DIP2C: variants seen among roughly 807,000 people sequenced by gnomAD.
DIP2C encodes disco-interacting protein 2 homolog C.
In DIP2C, 33 loss-of-function variants were observed where a neutral mutation model predicts 192.4. The ratio of observed to expected loss-of-function variants is 0.17; its 90% CI spans 0.13 to 0.23. DIP2C has a LOEUF of 0.23. DIP2C is among the 10% of genes least tolerant of loss of function. The probability of loss-of-function intolerance (pLI) is 1.00; values close to 1 mark genes in which losing one functional copy is unlikely to be tolerated. For synonymous variants in DIP2C, 979 were observed against 864.1 expected, an observed-to-expected ratio of 1.13 and a Z score of -2.33; for missense variants, 1,537 against 2,110.1, an observed-to-expected ratio of 0.73 and a Z score of 5.32.
intron 1 of DIP2C, among the ~76,000 whole-genome samples, chr10:660,257 T>A (rs1856671180): frequency 6.6e-6 from 1 of 151,914 alleles, no homozygotes; most frequent in African/African-American, 2.4e-5. Context: ...ACGGAGATTC[T>A]AGCCCTTGTC....
At chr10:564,016 T>C (rs1215885526) in intron 1 of DIP2C, among the ~76,000 whole-genome samples, 1 of 152,170 alleles carries the variant, frequency 6.6e-6, no homozygotes, top group Non-Finnish European at 1.5e-5. Flanking sequence ...TGAGAGAAGA[T>C]TTCAAAGCTG....
At chr10:503,327 C>T (rs922488003) in intron 1 of DIP2C, among the ~76,000 whole-genome samples, 1 of 152,196 alleles carries the variant, frequency 6.6e-6, no homozygotes, top group African/African-American at 2.4e-5. Flanking sequence ...GGACAATAAA[C>T]GTTCCAATTT....
At chr10:543,481 G>A (rs1273757542) in intron 1 of DIP2C, among the ~76,000 whole-genome samples, 1 of 152,234 alleles carries the variant, frequency 6.6e-6, no homozygotes, top group African/African-American at 2.4e-5. Flanking sequence ...CTGGGTAAGA[G>A]GAAAGTGCTT....
At chr10:589,436 T>G (rs1398481468) in intron 1 of DIP2C, among the ~76,000 whole-genome samples, 2 of 152,216 alleles carry the variant, frequency 1.3e-5, no homozygotes, top group African/African-American at 4.8e-5. Context: ...CGATTTCCAT[T>G]TCTTCTACAG....
intron 1 of DIP2C, among the ~76,000 whole-genome samples, chr10:633,590 T>C (rs1854658587): frequency 6.6e-6 from 1 of 152,232 alleles, no homozygotes; most frequent in Non-Finnish European, 1.5e-5. Flanking sequence ...CCAAGGCCAC[T>C]GCAGCACCTC....
intron 1 of DIP2C, among the ~76,000 whole-genome samples, chr10:489,540 C>CA (rs1462710877): frequency 6.6e-6 from 1 of 152,252 alleles, no homozygotes; most frequent in African/African-American, 2.4e-5. Flanking sequence ...GCCACGCTGT[C>CA]ACTAGGGAGA....
At chr10:444,122 C>A (rs931490101) in intron 3 of DIP2C, among the ~76,000 whole-genome samples, 1 of 152,182 alleles carries the variant, frequency 6.6e-6, no homozygotes, top group African/African-American at 2.4e-5. Flanking sequence ...CCCATCGTCA[C>A]ATGGACTCCA....
rs143669092 is a variant in DIP2C at position 524,297 on chromosome 10, C to T, written c.86-37767G>A. ...TACAGACTGTGTGAGGCCTGGAACGCGGGAGGCACACTTCACAGGGTCCCT... is the reference window on the plus strand; with the variant it reads ...TACAGACTGTGTGAGGCCTGGAACGTGGGAGGCACACTTCACAGGGTCCCT... On this transcript the variant is annotated intron_variant, in intron 1 of 36. Coordinates refer to ENST00000280886, the MANE Select transcript of DIP2C (RefSeq NM_014974.3). Among the ~76,000 whole-genome samples, 7 of 152,234 alleles carry T rather than the reference C, an allele frequency of 4.6e-5. No homozygotes were observed. The East Asian group carries it at 5.8e-4, about 13-fold the overall frequency.
chr10:614,759 C>CT (rs913241112), intron 1 of DIP2C, among the ~76,000 whole-genome samples: 1 of 152,260 alleles, frequency 6.6e-6, no homozygotes, highest in Non-Finnish European at 1.5e-5. Context: ...TGGCTACGGG[C>CT]TCCCTTGCCG....
intron 1 of DIP2C, among the ~76,000 whole-genome samples, chr10:595,691 G>C (rs1471954062): frequency 6.6e-6 from 1 of 152,180 alleles, no homozygotes; most frequent in Non-Finnish European, 1.5e-5. Flanking sequence ...CCACGCGTCC[G>C]CAGGACCCGC....
chr10:279,101 C>A (rs1274405601), intron 36 of DIP2C, among the ~76,000 whole-genome samples: 1 of 152,094 alleles, frequency 6.6e-6, no homozygotes, highest in African/African-American at 2.4e-5. Flanking sequence ...GAGAATTTTC[C>A]TGGAAATTCT....
At chr10:523,813 A>G (rs1159083709) in intron 1 of DIP2C, among the ~76,000 whole-genome samples, 1 of 152,210 alleles carries the variant, frequency 6.6e-6, no homozygotes, top group Non-Finnish European at 1.5e-5. Flanking sequence ...GGATGCAGGG[A>G]CTGCTCTGAG....
At chr10:613,872 C>A (rs61833001) in intron 1 of DIP2C, among the ~76,000 whole-genome samples, 1 of 152,074 alleles carries the variant, frequency 6.6e-6, no homozygotes, top group African/African-American at 2.4e-5. Flanking sequence ...CTCCTGATCT[C>A]GGCCATCTGA....
At chr10:595,561 T>C (rs1224819995) in intron 1 of DIP2C, among the ~76,000 whole-genome samples, 1 of 152,030 alleles carries the variant, frequency 6.6e-6, no homozygotes, top group African/African-American at 2.4e-5. Flanking sequence ...AATGAAATGA[T>C]TTTGCATCTA....
intron 1 of DIP2C, among the ~76,000 whole-genome samples, chr10:563,799 A>G (rs1849331863): frequency 1.3e-5 from 2 of 152,164 alleles, no homozygotes; most frequent in African/African-American, 4.8e-5. Flanking sequence ...CTACTGGGCT[A>G]TACCAATAGT....
intron 14 of DIP2C, among the ~76,000 whole-genome samples, chr10:386,311 G>T (rs920232374): frequency 1.3e-5 from 2 of 152,234 alleles, no homozygotes; most frequent in African/African-American, 4.8e-5. Flanking sequence ...TTCACAGACA[G>T]AAAAACTGAG....
At chr10:656,902 G>A (rs1251157295) in intron 1 of DIP2C, among the ~76,000 whole-genome samples, 1 of 152,212 alleles carries the variant, frequency 6.6e-6, no homozygotes, top group African/African-American at 2.4e-5. Context: ...ATGGAACTTT[G>A]CTTTAATAAA....
At chr10:301,168 G>A (rs1445643169) in intron 32 of DIP2C, among the ~76,000 whole-genome samples, 3 of 152,178 alleles carry the variant, frequency 2.0e-5, no homozygotes, top group Non-Finnish European at 4.4e-5. Context: ...TCTCTCATGA[G>A]CCAGCAGGAG....
chr10:677,852 CAGGT>C (rs1830926825), intron 1 of DIP2C, among the ~76,000 whole-genome samples: 1 of 152,254 alleles, frequency 6.6e-6, no homozygotes, highest in Non-Finnish European at 1.5e-5. Context: ...GTGCCACAGA[CAGGT>C]GGGTGGCCTG....
Sources: gnomAD v4.1 joint callset for allele counts (sites outside exome capture counted in the v4.1 genomes callset) on GRCh38, gnomAD v4.1.1 for gene constraint, MANE v1.5 for transcripts, NCBI Gene and HGNC (gene_info 2026-07-23, HGNC 2026-07-21) for gene names.